Variants in MAN1A2 observed in about 807,000 individuals in gnomAD.
The protein encoded by MAN1A2 is mannosyl-oligosaccharide 1,2-alpha-mannosidase IB.
In MAN1A2, 26 loss-of-function variants were observed where a neutral mutation model predicts 75.7. That is an observed-to-expected ratio of 0.34 (90% CI 0.25 to 0.48). MAN1A2 has a LOEUF of 0.48. Among genes scored for constraint, MAN1A2 ranks in the 20% least tolerant of loss-of-function variants. The pLI, the probability that MAN1A2 is intolerant of heterozygous loss-of-function variation, is 0.99. For synonymous variants in MAN1A2, 247 were observed against 264.6 expected, an observed-to-expected ratio of 0.93 and a Z score of 0.65; for missense variants, 562 against 775.5, an observed-to-expected ratio of 0.72 and a Z score of 3.27.
chr1:117,374,057 AG>A (rs1433502985), intron 1 of MAN1A2, among the ~76,000 whole-genome samples: 2 of 151,994 alleles, frequency 1.3e-5, no homozygotes, highest in Non-Finnish European at 2.9e-5. Context: ...CTTATGTGGG[AG>A]GTGGAGGTGG....
In MAN1A2 at chr1:117,488,223, T is replaced by C. The variant is rs575646433; in HGVS notation, c.1169-4924T>C. Among the ~76,000 whole-genome samples the C allele has an allele frequency of 2.0e-5, 3 of 152,064 alleles. No individual in the cohort carries two copies. In the South Asian group the frequency reaches 6.2e-4, roughly 32 times the overall value. ...GTTGAAAGCAAATGGCTTTTTTTTT[T>C]TTTCTTGAGACAGAGTCTCACGTTA... On this transcript the variant is annotated intron_variant, in intron 8 of 12. Transcript: ENST00000356554.
chr1:117,376,112 G>A (rs1436414552), intron 1 of MAN1A2, among the ~76,000 whole-genome samples: 1 of 151,918 alleles, frequency 6.6e-6, no homozygotes, highest in Non-Finnish European at 1.5e-5. Flanking sequence ...GGGTTTCACC[G>A]CGTTAGCCAG....
chr1:117,450,895 G>A (rs1195600650), intron 6 of MAN1A2, among the ~76,000 whole-genome samples: 4 of 152,214 alleles, frequency 2.6e-5, no homozygotes, highest in Admixed American at 1.3e-4. Flanking sequence ...CTCTCTCATG[G>A]AGAACCTCTG....
chr1:117,367,488 C>A lies in MAN1A2; in HGVS notation c.-696C>A, dbSNP rs1652801108. 6.5e-6 allele frequency: 1 copy of A among 154,002 alleles called. No individual in the cohort carries two copies. Among genetic ancestry groups the A allele is most frequent in the Admixed American group, 6.5e-5 (1 of 15,298 alleles). The allele number at this position is 154,002 out of a possible 1,614,324, so 9.5% of individuals were successfully genotyped here. On this transcript the variant is annotated 5_prime_UTR_variant, in exon 1 of 13. The change creates a new upstream start codon in the 5' untranslated region. Transcript: ENST00000356554. ...GCAACAGCGGCGGCGGCCGCGGCGG[C>A]TGGCCGGACTCAGGTGTTTCGGACG...
chr1:117,466,338 T>A lies in MAN1A2; in HGVS notation c.1079T>A (p.Met360Lys), dbSNP rs775874291. Reference sequence around the variant, plus strand: ...TCTTAATTTTATTTTACTCAGGTTATGCACATTCGGAAACTACTTCAGAAA... The same window carrying A: ...TCTTAATTTTATTTTACTCAGGTTAAGCACATTCGGAAACTACTTCAGAAA... ...TGDLTYYKKV[M>K]HIRKLLQKMD... The change falls in exon 8 of 13, where the codon ATG becomes AAG. Residue 360 changes from methionine to lysine, a missense_variant. By Grantham distance (95) the Met-to-Lys change is moderately conservative. This residue lies in a region of MAN1A2 where 434 missense variants were observed against 645.7 expected (regional missense o/e 0.67). Transcript: ENST00000356554. 3 of 1,599,140 alleles carry A rather than the reference T, an allele frequency of 1.9e-6. No homozygotes were observed. In the South Asian group the frequency reaches 3.3e-5, roughly 18 times the overall value.
At chr1:117,430,209 C>T (rs1648575922) in intron 5 of MAN1A2, among the ~76,000 whole-genome samples, 1 of 82,864 alleles carries the variant, frequency 1.2e-5, no homozygotes, top group Non-Finnish European at 2.6e-5. Context: ...GGGCGGGGGG[C>T]TGACCCCCCC....
chr1:117,482,234 G>A (rs1053592238), intron 8 of MAN1A2, among the ~76,000 whole-genome samples: 44 of 152,002 alleles, frequency 2.9e-4, no homozygotes, highest in Admixed American at 2.9e-3. Flanking sequence ...TATATACCCA[G>A]TAATGGGATT....
rs972560512 is a variant in MAN1A2, at chr1:117,380,363, G to T, written c.302+11878G>T. On this transcript the variant is annotated intron_variant, in intron 1 of 12. Coordinates refer to ENST00000356554, the MANE Select transcript of MAN1A2 (RefSeq NM_006699.5). ...CTTTGCACAAAAGTTTTTAATTTTG[G>T]TGAAGTCCGATTTATCTGTTTTCTT... Among the ~76,000 whole-genome samples the T allele has an allele frequency of 2.6e-5, 4 of 152,056 alleles. No individual in the cohort carries two copies. In the East Asian group the frequency reaches 7.7e-4, roughly 29 times the overall value.
At chr1:117,383,166 C>G (rs868811424) in intron 1 of MAN1A2, among the ~76,000 whole-genome samples, 3 of 152,148 alleles carry the variant, frequency 2.0e-5, no homozygotes, top group Admixed American at 1.3e-4. Flanking sequence ...TTAGCTGTGA[C>G]TTTTTCATAA....
chr1:117,490,322 C>A (rs1650841061), intron 8 of MAN1A2, among the ~76,000 whole-genome samples: 6 of 151,870 alleles, frequency 4.0e-5, no homozygotes, highest in Admixed American at 3.9e-4. Flanking sequence ...GTAATTCTTG[C>A]AATATTTCAA....
chr1:117,382,064 T>A (rs1021246840), intron 1 of MAN1A2, among the ~76,000 whole-genome samples: 1 of 152,262 alleles, frequency 6.6e-6, no homozygotes, highest in African/African-American at 2.4e-5. Context: ...TTGAGTTCAT[T>A]GTAGATTCTG....
intron 8 of MAN1A2, among the ~76,000 whole-genome samples, chr1:117,488,776 A>G (rs1650791183): frequency 6.6e-6 from 1 of 152,116 alleles, no homozygotes; most frequent in African/African-American, 2.4e-5. Flanking sequence ...ATTAGCAGAC[A>G]TACTGCTTAA....
At position 117,528,523 on chromosome 1, in the gene MAN1A2, A is replaced by G. The variant is rs1652089130; in HGVS notation, c.*5566A>G. 1 of 152,148 alleles carries G rather than the reference A, an allele frequency of 6.6e-6. No homozygotes were observed. The highest frequency in any genetic ancestry group is 1.5e-5 in the Non-Finnish European group (1 of 68,012). The allele number at this position is 152,148 out of a possible 1,614,324, so 9.4% of individuals were successfully genotyped here. A position where few individuals can be genotyped will look rare whatever the true frequency, so the allele number is the denominator to read the frequency against. On this transcript the variant is annotated 3_prime_UTR_variant, in exon 13 of 13. Transcript: ENST00000356554. ...AATGTCTTGTGGCTGTTTTATTTCT[A>G]CAAAATTCTGTAAGATGTATACCAG...
chr1:117,384,803 A>G (rs1484809922), intron 1 of MAN1A2, among the ~76,000 whole-genome samples: 1 of 152,120 alleles, frequency 6.6e-6, no homozygotes, highest in African/African-American at 2.4e-5. Flanking sequence ...TTCCATAAGT[A>G]TTTTAGAATC....
At chr1:117,414,870 A>G (rs895750862) in intron 4 of MAN1A2, 39 bp downstream of exon 4, 4 of 1,219,774 alleles carry the variant, frequency 3.3e-6, no homozygotes, top group Non-Finnish European at 2.4e-6. Flanking sequence ...TAGATTAACC[A>G]TGAAAAGACA....
chr1:117,402,598 T>C (rs3767795), intron 2 of MAN1A2, among the ~76,000 whole-genome samples, 157 bp downstream of exon 2: 37,869 of 151,226 alleles, frequency 0.25, 5,506 homozygotes, highest in East Asian at 0.47. Flanking sequence ...GAACTCTTTC[T>C]TGTTTTTTTT....
intron 11 of MAN1A2, 97 bp downstream of exon 11, chr1:117,499,651 T>C: frequency 1.1e-6 from 1 of 879,194 alleles, no homozygotes. Flanking sequence ...ATTTTTAGTA[T>C]CTGTAGGGCA....
intron 7 of MAN1A2, among the ~76,000 whole-genome samples, chr1:117,463,874 A>G (rs1163058288): frequency 6.6e-6 from 1 of 152,208 alleles, no homozygotes; most frequent in Non-Finnish European, 1.5e-5. Context: ...TAGCTAATGG[A>G]AAACAACAAA....
At chr1:117,450,031 C>T (rs577049843) in intron 6 of MAN1A2, among the ~76,000 whole-genome samples, 4 of 152,202 alleles carry the variant, frequency 2.6e-5, no homozygotes, top group African/African-American at 9.6e-5. Context: ...AAATGTGGAA[C>T]AACTTTGGAA....
Sources: allele counts gnomAD v4.1 joint callset (sites outside exome capture counted in the v4.1 genomes callset), GRCh38; gene constraint gnomAD v4.1.1; regional missense constraint gnomAD v4.1.1; transcripts MANE v1.5; gene names NCBI Gene and HGNC (gene_info 2026-07-23, HGNC 2026-07-21).